Variants in DNAJC17 observed in about 807,000 individuals in gnomAD.
The protein encoded by DNAJC17 is dnaJ homolog subfamily C member 17.
Under a neutral mutation model 48.1 loss-of-function variants are expected in DNAJC17, and 35 were observed. That is an observed-to-expected ratio of 0.73 (90% CI 0.56 to 0.96). The LOEUF is 0.96. DNAJC17 is among the 50% of genes least tolerant of loss of function. DNAJC17 has a pLI of 0.00. For missense variants in DNAJC17, 355 were observed against 377.1 expected (o/e 0.94, Z 0.48); for synonymous variants, 117 against 142.7 (o/e 0.82, Z 1.28).
intron 1 of DNAJC17, among the ~76,000 whole-genome samples, chr15:40,796,374 T>G (rs1201964611): frequency 6.6e-6 from 1 of 152,182 alleles, no homozygotes; most frequent in African/African-American, 2.4e-5. Flanking sequence ...CTAGCTCATT[T>G]AAATAGGTAG....
In DNAJC17 at chr15:40,770,278, G is replaced by T; in HGVS notation, c.793-2216C>A. ...TCCCTGTGGGAAACTCTTGCTGCCA[G>T]GAACTCCCAGCTGTCTGCTCTCCTG... On this transcript the variant is annotated intron_variant, in intron 10 of 10. Coordinates refer to ENST00000220496, the MANE Select transcript of DNAJC17 (RefSeq NM_018163.3). The surrounding 1 kb of genome is among the most constrained non-coding windows in gnomAD (Gnocchi z 5.0). 1.7e-6 allele frequency: 1 copy of T among 574,824 alleles called. No homozygotes were observed. Among genetic ancestry groups the T allele is most frequent in the Non-Finnish European group, 3.1e-6 (1 of 325,894 alleles). The allele number at this position is 574,824 out of a possible 1,614,324, so 35.6% of individuals were successfully genotyped here.
chr15:40,806,381 G>A (rs1294504675), intron 1 of DNAJC17, among the ~76,000 whole-genome samples: 1 of 151,842 alleles, frequency 6.6e-6, no homozygotes, highest in African/African-American at 2.4e-5. Context: ...ACCACGCCCG[G>A]CTAATTTTTG....
intron 1 of DNAJC17, among the ~76,000 whole-genome samples, chr15:40,791,412 C>T (rs945828933): frequency 2.0e-5 from 3 of 152,044 alleles, no homozygotes; most frequent in Admixed American, 6.5e-5. Flanking sequence ...CCTGTAGACC[C>T]AGCTACTCGG....
chr15:40,800,833 C>G (rs1890057114), intron 1 of DNAJC17, among the ~76,000 whole-genome samples: 2 of 151,994 alleles, frequency 1.3e-5, no homozygotes, highest in Non-Finnish European at 2.9e-5. Context: ...GTGGCAGGAG[C>G]CTGTAATCTC....
chr15:40,778,303 G>C (rs1469675070), intron 4 of DNAJC17, among the ~76,000 whole-genome samples: 1 of 151,998 alleles, frequency 6.6e-6, no homozygotes, highest in Non-Finnish European at 1.5e-5. Flanking sequence ...ACCCAGGCTA[G>C]AGCACAGCAG....
chr15:40,780,092 C>A, intron 1 of DNAJC17, 95 bp from the exon 2 acceptor site: 1 of 1,236,394 alleles, frequency 8.1e-7, no homozygotes, highest in South Asian at 1.3e-5. Context: ...CCCATGCACA[C>A]CTAAAAGAGA....
intron 4 of DNAJC17, among the ~76,000 whole-genome samples, chr15:40,778,312 A>G (rs1464699605): frequency 6.6e-6 from 1 of 152,074 alleles, no homozygotes; most frequent in Non-Finnish European, 1.5e-5. Flanking sequence ...AGAGCACAGC[A>G]GCGTGATCTC....
rs76352578 is a variant in DNAJC17 at position 40,767,886 on chromosome 15, A to T, written c.*54T>A. 76,657 of 1,581,082 alleles carry T rather than the reference A, an allele frequency of 0.048. 1,492 individuals carry two copies. The highest frequency in any genetic ancestry group is 0.071 in the South Asian group (6,088 of 86,126). On this transcript the variant is annotated 3_prime_UTR_variant, in exon 11 of 11. Transcript: ENST00000220496. ...AGGTAAAATCTTAAAAAAAAAAAAA[A>T]TTTATTGGTGACGTTGAAGAAAAGG...
rs146094788 is a variant in DNAJC17 at position 40,776,290 on chromosome 15, G to A, written c.384C>T (p.Ile128=). The A allele has an allele frequency of 4.5e-5, 72 of 1,613,838 alleles. No homozygotes were observed. The highest frequency in any genetic ancestry group is 5.4e-5 in the Non-Finnish European group (64 of 1,179,892). The change falls in exon 6 of 11, where the codon ATC becomes ATT. Residue 128 remains isoleucine (I), a splice_region_variant and synonymous_variant. Coordinates refer to ENST00000220496, the MANE Select transcript of DNAJC17 (RefSeq NM_018163.3). ...SRSTRTLEQE[I]ERLREEGSRQ... ...GGGAACCCTCTTCTCTCAGGCGTTC[G>A]ATCTGCAGAGCAGGGGGTGGGGGTG... is the stretch of plus-strand genomic sequence containing the variant.
chr15:40,779,851 A>G, intron 2 of DNAJC17, 77 bp downstream of exon 2: 3 of 1,497,690 alleles, frequency 2.0e-6, no homozygotes, highest in Non-Finnish European at 1.8e-6. Context: ...CAGCACTCAC[A>G]TGCAGAGCTT....
intron 1 of DNAJC17, among the ~76,000 whole-genome samples, chr15:40,794,556 G>A (rs1311102673): frequency 6.6e-6 from 1 of 151,552 alleles, no homozygotes; most frequent in Non-Finnish European, 1.5e-5. Context: ...CCTGTAAGCC[G>A]AGCTACTCAG....
chr15:40,803,136 C>T (rs796691714), intron 1 of DNAJC17, among the ~76,000 whole-genome samples: 5 of 144,810 alleles, frequency 3.5e-5, no homozygotes, highest in African/African-American at 1.3e-4. Flanking sequence ...GTCCTCCTCT[C>T]CTCCAGAATA....
chr15:40,775,435 G>A (rs1195847015), intron 7 of DNAJC17, 118 bp downstream of exon 7: 31 of 1,173,262 alleles, frequency 2.6e-5, no homozygotes, highest in Admixed American at 9.3e-5. Flanking sequence ...GTAATGGTGC[G>A]GGCTCCACGC....
At chr15:40,772,980 A>C (rs1479471617) in intron 10 of DNAJC17, among the ~76,000 whole-genome samples, 1 of 107,822 alleles carries the variant, frequency 9.3e-6, no homozygotes, top group African/African-American at 4.2e-5. Flanking sequence ...TTTTTTTTTG[A>C]GATGAAGTCT....
In DNAJC17 at chr15:40,770,578, G is replaced by A. The variant is rs1247484576; in HGVS notation, c.793-2516C>T. 75 of 1,550,494 alleles carry A rather than the reference G, an allele frequency of 4.8e-5. 1 individual carries two copies. In the Admixed American group the frequency reaches 1.0e-3, roughly 21 times the overall value. On this transcript the variant is annotated intron_variant, in intron 10 of 10. Coordinates refer to ENST00000220496, the MANE Select transcript of DNAJC17 (RefSeq NM_018163.3). This position sits in a 1 kb window ranked among gnomAD's most constrained non-coding sequence, Gnocchi z 5.0. ...CTGGGGCGGCCACGGCGGCTCCGGC[G>A]ACAGAGTAGTGTGCTTAGCCAGGCC...
At chr15:40,791,279 G>A (rs1234328042) in intron 1 of DNAJC17, among the ~76,000 whole-genome samples, 1 of 152,218 alleles carries the variant, frequency 6.6e-6, no homozygotes, top group African/African-American at 2.4e-5. Flanking sequence ...TGTAATCTCA[G>A]CACTTTGGGA....
intron 2 of DNAJC17, 150 bp downstream of exon 2, chr15:40,779,778 C>A: frequency 9.0e-7 from 1 of 1,106,132 alleles, no homozygotes. Flanking sequence ...ACCAGACACC[C>A]CTCACAGGAG....
chr15:40,776,354 T>C, intron 5 of DNAJC17, 62 bp from the exon 6 acceptor site: 1 of 1,563,288 alleles, frequency 6.4e-7, no homozygotes, highest in Non-Finnish European at 8.8e-7. Flanking sequence ...TGGCTCACCT[T>C]GTAAAAAGTC....
rs765452807 is a variant in DNAJC17, at chr15:40,773,780, A to G, written c.739T>C (p.Leu247=). 3 of 1,614,006 alleles carry G rather than the reference A, an allele frequency of 1.9e-6. No individual in the cohort carries two copies. In the South Asian group the frequency reaches 3.3e-5, roughly 18 times the overall value. Residue 247 remains leucine (L), a synonymous_variant, in exon 10 of 11, where the codon TTG becomes CTG. Transcript: ENST00000220496. ...ACGGCATCCTGGGGCTGTCCCTCCAACCAGGAAATCTTCAGAGGGTTATCC... is the reference window on the plus strand; with the variant it reads ...ACGGCATCCTGGGGCTGTCCCTCCAGCCAGGAAATCTTCAGAGGGTTATCC... ...LVDNPLKISW[L]EGQPQDAVGR...
Sources: allele counts gnomAD v4.1 joint callset (sites outside exome capture counted in the v4.1 genomes callset), GRCh38; gene constraint gnomAD v4.1.1; non-coding constraint Gnocchi (gnomAD v3.1); transcripts MANE v1.5; gene names NCBI Gene and HGNC (gene_info 2026-07-23, HGNC 2026-07-21).